LIN7A: variants seen among roughly 807,000 people sequenced by gnomAD.
LIN7A encodes protein lin-7 homolog A.
In LIN7A, 25 loss-of-function variants were observed where a neutral mutation model predicts 29.8. The ratio of observed to expected loss-of-function variants is 0.84; its 90% CI spans 0.61 to 1.17. The LOEUF (loss-of-function observed/expected upper bound fraction) is 1.17, where lower values mean the gene tolerates loss of function less well. Among genes scored for constraint, LIN7A ranks in the 50% most tolerant of loss-of-function variants. The pLI is 0.00. For missense variants in LIN7A, 239 were observed against 287.0 expected (o/e 0.83, Z 1.21); for synonymous variants, 118 against 107.5 (o/e 1.10, Z -0.60).
intron 1 of LIN7A, among the ~76,000 whole-genome samples, chr12:80,904,921 T>C (rs1385888700): frequency 6.6e-6 from 1 of 152,190 alleles, no homozygotes; most frequent in Non-Finnish European, 1.5e-5. Context: ...AAATTTTTAT[T>C]CACATTTTTT....
intron 1 of LIN7A, among the ~76,000 whole-genome samples, chr12:80,895,958 C>T (rs941823788): frequency 2.0e-5 from 3 of 152,210 alleles, no homozygotes. Flanking sequence ...ATATGCTTCA[C>T]TATTTGGTTA....
At chr12:80,905,007 CTGTA>C (rs1335506813) in intron 1 of LIN7A, among the ~76,000 whole-genome samples, 36 of 151,962 alleles carry the variant, frequency 2.4e-4, no homozygotes, top group Admixed American at 8.5e-4. Context: ...TTGCTTTTAT[CTGTA>C]TTTTTTCTTT....
At chr12:80,803,133 T>G (rs1195239016) in intron 5 of LIN7A, among the ~76,000 whole-genome samples, 3 of 152,228 alleles carry the variant, frequency 2.0e-5, no homozygotes, top group African/African-American at 7.2e-5. Flanking sequence ...GCTGTTTAGT[T>G]GGGTAGAATC....
At chr12:80,854,791 AT>A (rs987316932) in intron 2 of LIN7A, among the ~76,000 whole-genome samples, 156 of 152,304 alleles carry the variant, frequency 1.0e-3, no homozygotes, top group African/African-American at 3.5e-3. Context: ...AGCAAAAAAT[AT>A]TTTTTAAGAC....
At chr12:80,878,929 A>G (rs2120564227) in intron 2 of LIN7A, among the ~76,000 whole-genome samples, 1 of 152,306 alleles carries the variant, frequency 6.6e-6, no homozygotes. Flanking sequence ...TGTAAGACAG[A>G]AAAGTTCTCC....
intron 1 of LIN7A, among the ~76,000 whole-genome samples, chr12:80,891,536 A>G (rs1875626291): frequency 6.6e-6 from 1 of 152,214 alleles, no homozygotes; most frequent in Non-Finnish European, 1.5e-5. Context: ...TCATTTATGC[A>G]GTAGTGCTAG....
Position 80,796,936 on chromosome 12 carries a change from C to T in LIN7A, c.*791G>A, listed in dbSNP as rs962137798. 3 of 151,860 alleles carry T rather than the reference C, an allele frequency of 2.0e-5. No homozygotes were observed. The highest frequency in any genetic ancestry group is 4.4e-5 in the Non-Finnish European group (3 of 67,974). 9.4% of individuals were successfully genotyped at this position (151,860 alleles called of 1,614,324 possible). ...TCTTAATACTTGGTAAGAAAAGAAC[C>T]TAAGTTGTAACAAATGCACTCTGAT... On this transcript the variant is annotated 3_prime_UTR_variant, in exon 6 of 6. Transcript: ENST00000552864.
At chr12:80,892,762 G>T (rs956294693) in intron 1 of LIN7A, among the ~76,000 whole-genome samples, 3 of 152,288 alleles carry the variant, frequency 2.0e-5, no homozygotes, top group Middle Eastern at 3.4e-3. Flanking sequence ...GGCACAGAGT[G>T]GGGGGCTGGG....
At chr12:80,857,472 T>C (rs555047678) in intron 2 of LIN7A, among the ~76,000 whole-genome samples, 1 of 152,192 alleles carries the variant, frequency 6.6e-6, no homozygotes, top group African/African-American at 2.4e-5. Flanking sequence ...AATACCATCT[T>C]AATAGCACTG....
chr12:80,821,329 A>G (rs976995360), intron 4 of LIN7A, among the ~76,000 whole-genome samples: 1 of 152,200 alleles, frequency 6.6e-6, no homozygotes, highest in South Asian at 2.1e-4. Context: ...AACTAAGATA[A>G]TAAGTCACCC....
At chr12:80,810,729 T>G (rs1871247763) in intron 5 of LIN7A, among the ~76,000 whole-genome samples, 1 of 152,244 alleles carries the variant, frequency 6.6e-6, no homozygotes, top group Non-Finnish European at 1.5e-5. Flanking sequence ...GGTTCCCTTT[T>G]CTTCACATCC....
intron 5 of LIN7A, among the ~76,000 whole-genome samples, chr12:80,809,534 A>T (rs1364946396): frequency 6.6e-6 from 1 of 152,236 alleles, no homozygotes; most frequent in Non-Finnish European, 1.5e-5. Flanking sequence ...GGCAGATGAA[A>T]ACCTGATGGA....
Position 80,883,311 on chromosome 12 carries a change from A to G in LIN7A, c.201+5940T>C, listed in dbSNP as rs192355108. ...ATTGACTCTCTCATAAAGCTGATTA[A>G]GTTTTCCTTCTATGTTTTCATCCAC... On this transcript the variant is annotated intron_variant, in intron 2 of 5. Coordinates refer to ENST00000552864, the MANE Select transcript of LIN7A (RefSeq NM_004664.4). Among the ~76,000 whole-genome samples the G allele has an allele frequency of 7.2e-5, 11 of 152,306 alleles. No individual in the cohort carries two copies. In the East Asian group the frequency reaches 2.1e-3, roughly 29 times the overall value.
chr12:80,845,933 C>G lies in LIN7A; in HGVS notation c.280G>C (p.Val94Leu). The stretch of plus-strand genomic sequence containing the variant: ...CCTTCACTAGCTGCAAAAGCTGCAA[C>G]TGTTGCCTGAAAAAAAAAAAAAAAG... Reference protein sequence around the residue: ...FRARATAKATVAAFAASEGHS... With the variant: ...FRARATAKATLAAFAASEGHS... The change falls in exon 4 of 6, where the codon GTT becomes CTT. Residue 94 changes from valine to leucine, a missense_variant. Coordinates refer to ENST00000552864, the MANE Select transcript of LIN7A (RefSeq NM_004664.4). 6.4e-7 allele frequency: 1 copy of G among 1,551,482 alleles called. No individual in the cohort carries two copies. Among genetic ancestry groups the G allele is most frequent in the Non-Finnish European group, 8.7e-7 (1 of 1,155,800 alleles).
rs184275392 is a variant in LIN7A at position 80,846,586 on chromosome 12, A to G, written c.274-647T>C. On this transcript the variant is annotated intron_variant, in intron 3 of 5. Coordinates refer to ENST00000552864, the MANE Select transcript of LIN7A (RefSeq NM_004664.4). ...TATTGTTAGCTTATACCAATATACC[A>G]TATTATTATTCCATACTGAGAAATC... is the stretch of plus-strand genomic sequence containing the variant. Among the ~76,000 whole-genome samples the G allele has an allele frequency of 2.1e-3, 321 of 152,278 alleles. 2 individuals carry two copies. Among genetic ancestry groups the G allele is most frequent in the Non-Finnish European group, 3.2e-3 (217 of 68,004 alleles).
chr12:80,827,107 G>A (rs1592867425), intron 4 of LIN7A, among the ~76,000 whole-genome samples: 1 of 152,204 alleles, frequency 6.6e-6, no homozygotes, highest in African/African-American at 2.4e-5. Context: ...TCTCCTTCAG[G>A]GCTGGCACAG....
At chr12:80,816,661 T>C (rs1565888043) in intron 4 of LIN7A, among the ~76,000 whole-genome samples, 1 of 152,208 alleles carries the variant, frequency 6.6e-6, no homozygotes, top group Non-Finnish European at 1.5e-5. Context: ...AAAGGCATAC[T>C]TGTTTCATCA....
In LIN7A at chr12:80,824,474, T is replaced by G. The variant is rs182445292; in HGVS notation, c.484-12791A>C. Among the ~76,000 whole-genome samples, 349 of 152,222 alleles carry G rather than the reference T, an allele frequency of 2.3e-3. 1 individual carries two copies. The highest frequency in any genetic ancestry group is 3.9e-3 in the Non-Finnish European group (268 of 68,008). On this transcript the variant is annotated intron_variant, in intron 4 of 5. Transcript: ENST00000552864. The stretch of plus-strand genomic sequence containing the variant: ...ATTGGTACCAATCTTATTAACACTA[T>G]TCCACAAGATAAAGAGGAAATCCTC...
At chr12:80,876,916 G>T (rs1352908806) in intron 2 of LIN7A, among the ~76,000 whole-genome samples, 1 of 152,038 alleles carries the variant, frequency 6.6e-6, no homozygotes, top group African/African-American at 2.4e-5. Flanking sequence ...GAGGTCAGGA[G>T]TTCGAGACTA....
Sources: gnomAD v4.1 joint callset for allele counts (sites outside exome capture counted in the v4.1 genomes callset) on GRCh38, gnomAD v4.1.1 for gene constraint, MANE v1.5 for transcripts, NCBI Gene and HGNC (gene_info 2026-07-23, HGNC 2026-07-21) for gene names.